The following TASOR2 variants were observed in gnomAD, a reference collection of about 807,000 sequenced individuals.
TASOR2 encodes the protein transcription activation suppressor family member 2, also known as protein TASOR 2.
Under a neutral mutation model 199.5 loss-of-function variants are expected in TASOR2, and 84 were observed. The ratio of observed to expected loss-of-function variants is 0.42; its 90% CI spans 0.35 to 0.50. The LOEUF (loss-of-function observed/expected upper bound fraction) is 0.50, where lower values mean the gene tolerates loss of function less well. TASOR2 is among the 20% of genes least tolerant of loss of function. The pLI is 0.02. For synonymous variants in TASOR2, 1,103 were observed against 1,046.6 expected, an observed-to-expected ratio of 1.05 and a Z score of -1.04; for missense variants, 2,796 against 2,835.9, an observed-to-expected ratio of 0.99 and a Z score of 0.32.
rs1333126410 is a variant in TASOR2, at chr10:5,706,795, G to T, written c.-287-6028G>T. On this transcript the variant is annotated intron_variant, in intron 1 of 20. Transcript: ENST00000328090. This position sits in a 1 kb window ranked among gnomAD's most constrained non-coding sequence, Gnocchi z 4.8. ...AGGTATGCAGATCACTTGAGGCCAG[G>T]AGTTCGAGACCAACCTGGCTAACAT... Among the ~76,000 whole-genome samples, 1 of 152,148 alleles carries T rather than the reference G, an allele frequency of 6.6e-6. No homozygotes were observed. The highest frequency in any genetic ancestry group is 1.5e-5 in the Non-Finnish European group (1 of 68,028).
At chr10:5,758,817 A>G in intron 17 of TASOR2, 70 bp from the exon 19 acceptor site, 1 of 1,090,558 alleles carries the variant, frequency 9.2e-7, no homozygotes, top group Non-Finnish European at 1.4e-6. Flanking sequence ...AATAATTATC[A>G]CTGGGCTTGG....
exon 15 of TASOR2, chr10:5,749,849 C>G: frequency 1.9e-6 from 3 of 1,614,196 alleles, no homozygotes; most frequent in Non-Finnish European, 2.5e-6. Context: ...GGAGAAGCCA[C>G]TGCTCAAGAG....
Position 5,685,852 on chromosome 10 carries a change from T to G in TASOR2, c.-288+677T>G, listed in dbSNP as rs555699410. ...GTAACTTTAAACAAACCACGCTTAC[T>G]CTTCCTTATTCTCCCTGTAAGGTAC... On this transcript the variant is annotated intron_variant, in intron 1 of 20. Coordinates refer to ENST00000328090, the Ensembl canonical transcript of TASOR2. This position sits in a 1 kb window ranked among gnomAD's most constrained non-coding sequence, Gnocchi z 5.4. Among the ~76,000 whole-genome samples the G allele has an allele frequency of 3.9e-5, 6 of 152,358 alleles. No homozygotes were observed. In the South Asian group the frequency reaches 1.0e-3, roughly 26 times the overall value.
exon 15 of TASOR2, chr10:5,749,178 C>T (rs376700617): frequency 1.9e-6 from 3 of 1,614,066 alleles, no homozygotes; most frequent in South Asian, 1.1e-5. Context: ...GAGATCTCCA[C>T]GGGATCCTCA....
Position 5,749,546 on chromosome 10 carries a change from C to T in TASOR2, c.6125C>T (p.Thr2042Ile), listed in dbSNP as rs930938932. Residue 2042 changes from threonine (T) to isoleucine (I), a missense_variant, in exon 15 of 21, where the codon ACA (threonine) becomes ATA (isoleucine). Thr to Ile is a moderately conservative substitution (Grantham distance 89). Coordinates refer to ENST00000328090, the Ensembl canonical transcript of TASOR2. Reference sequence around the variant, plus strand: ...AGGAGCAGAAGCCCCCTTCTGGTAACAGTTGTGGAGTCAGATCCCAGACCA... The same window carrying T: ...AGGAGCAGAAGCCCCCTTCTGGTAATAGTTGTGGAGTCAGATCCCAGACCA... 2.5e-6 allele frequency: 4 copies of T among 1,614,106 alleles called. No homozygotes were observed. The highest frequency in any genetic ancestry group is 3.4e-6 in the Non-Finnish European group (4 of 1,180,042).
In TASOR2 at chr10:5,688,717, A is replaced by G. The variant is rs181710402; in HGVS notation, c.-288+3542A>G. On this transcript the variant is annotated intron_variant, in intron 1 of 20. Coordinates refer to ENST00000328090, the Ensembl canonical transcript of TASOR2. ...ATGACACATTTCATTATATAATTTCAGAAAATTGGTTGGGTGCGTGGGCTC... is the reference window on the plus strand; with the variant it reads ...ATGACACATTTCATTATATAATTTCGGAAAATTGGTTGGGTGCGTGGGCTC... Among the ~76,000 whole-genome samples the G allele has an allele frequency of 1.8e-4, 28 of 152,166 alleles. No homozygotes were observed. The East Asian group carries it at 5.2e-3, about 28-fold the overall frequency.
At position 5,762,654 on chromosome 10, in the gene TASOR2, C is replaced by A. The variant is rs1840071105; in HGVS notation, c.7289+8C>A. ...ATTTAGGAGTAGCTATTGGTAAGAA[C>A]ACTTTTTATGTAACTTTCCCATGTG... On this transcript the variant is annotated splice_region_variant and intron_variant, in intron 20 of 20. Transcript: ENST00000328090. The A allele has an allele frequency of 2.4e-6, 3 of 1,247,862 alleles. No individual in the cohort carries two copies. Among genetic ancestry groups the A allele is most frequent in the African/African-American group, 1.5e-5 (1 of 64,942 alleles). 77.3% of individuals were successfully genotyped at this position (1,247,862 alleles called of 1,614,324 possible). A position where few individuals can be genotyped will look rare whatever the true frequency, so the allele number is the denominator to read the frequency against.
At chr10:5,688,792 AG>A (rs1224668684) in intron 1 of TASOR2, among the ~76,000 whole-genome samples, 2 of 151,902 alleles carry the variant, frequency 1.3e-5, no homozygotes, top group Non-Finnish European at 2.9e-5. Flanking sequence ...GGATTGCTTC[AG>A]CCAGGTTTGA....
intron 1 of TASOR2, among the ~76,000 whole-genome samples, chr10:5,702,176 G>A (rs1412771748): frequency 1.3e-5 from 2 of 152,116 alleles, no homozygotes; most frequent in Admixed American, 6.5e-5. Flanking sequence ...ATAAACAGAT[G>A]TTAAATCTTA....
In TASOR2 at chr10:5,733,866, C is replaced by T. The variant is rs532902153; in HGVS notation, c.1205-1438C>T. Among the ~76,000 whole-genome samples, 33 of 151,922 alleles carry T rather than the reference C, an allele frequency of 2.2e-4. No homozygotes were observed. The South Asian group carries it at 3.3e-3, about 15-fold the overall frequency. On this transcript the variant is annotated intron_variant, in intron 11 of 20. Transcript: ENST00000328090. ...GAAGTCTTATTGTTAAAAAAAAATA[C>T]GCTGCTTTAGTACTTATTAATATAA...
chr10:5,690,546 G>C lies in TASOR2; in HGVS notation c.-288+5371G>C, dbSNP rs1836306717. The stretch of plus-strand genomic sequence containing the variant: ...TTTTGCGTGGGCTACGTGTAGAGGT[G>C]GTGGCCATACATAGTTATCTTTATT... On this transcript the variant is annotated intron_variant, in intron 1 of 20. Transcript: ENST00000328090. The surrounding 1 kb of genome is among the most constrained non-coding windows in gnomAD (Gnocchi z 4.8). 6.6e-6 allele frequency among the ~76,000 whole-genome samples: 1 copy of C among 151,912 alleles called. No homozygotes were observed. Among genetic ancestry groups the C allele is most frequent in the Admixed American group, 6.6e-5 (1 of 15,264 alleles).
chr10:5,759,526 T>C (rs919800968), intron 18 of TASOR2, among the ~76,000 whole-genome samples: 4 of 152,224 alleles, frequency 2.6e-5, no homozygotes, highest in South Asian at 4.1e-4. Context: ...GCAGGACCAA[T>C]TGGAAAAGCA....
At chr10:5,704,981 G>A (rs1409402881) in intron 1 of TASOR2, among the ~76,000 whole-genome samples, 1 of 152,228 alleles carries the variant, frequency 6.6e-6, no homozygotes, top group Non-Finnish European at 1.5e-5. Context: ...TTGTTTTGGG[G>A]CTTTCAGCTC....
chr10:5,757,847 T>G (rs899343426), intron 17 of TASOR2, among the ~76,000 whole-genome samples, 174 bp downstream of exon 18: 2 of 152,136 alleles, frequency 1.3e-5, no homozygotes, highest in African/African-American at 2.4e-5. Context: ...GATTCTCTTA[T>G]AGCAATGCTT....
intron 2 of TASOR2, among the ~76,000 whole-genome samples, chr10:5,715,456 A>G (rs7900614): frequency 0.94 from 143,311 of 152,182 alleles, 67,544 homozygotes; most frequent in Non-Finnish European, 0.96. Flanking sequence ...TGTCTATTCT[A>G]GACATTTCAT....
chr10:5,731,160 T>G (rs764937091), exon 11 of TASOR2: 14 of 1,608,366 alleles, frequency 8.7e-6, no homozygotes, highest in Non-Finnish European at 8.5e-6. Context: ...CTCCAACAAC[T>G]CTTAAGTTAG....
In TASOR2 at chr10:5,709,758, A is replaced by C. The variant is rs1194356091; in HGVS notation, c.-287-3065A>C. The stretch of plus-strand genomic sequence containing the variant: ...GTTTTAATTTAGATCATGTAAAACA[A>C]AAAGACTTTAAAAAATTATGATTTC... On this transcript the variant is annotated intron_variant, in intron 1 of 20. Coordinates refer to ENST00000328090, the Ensembl canonical transcript of TASOR2. The C allele has an allele frequency of 2.0e-5, 21 of 1,064,266 alleles. No homozygotes were observed. The Admixed American group carries it at 9.0e-4, about 46-fold the overall frequency. The allele number at this position is 1,064,266 out of a possible 1,614,324, so 65.9% of individuals were successfully genotyped here.
At chr10:5,715,134 A>G (rs1375215655) in intron 2 of TASOR2, among the ~76,000 whole-genome samples, 5 of 151,938 alleles carry the variant, frequency 3.3e-5, no homozygotes, top group Admixed American at 6.6e-5. Flanking sequence ...GAAGAGGGGT[A>G]TTTTTTATTA....
At chr10:5,762,868 C>T (rs1840100414) in intron 20 of TASOR2, 161 bp from the exon 22 acceptor site, 1 of 669,704 alleles carries the variant, frequency 1.5e-6, no homozygotes, top group African/African-American at 1.9e-5. Flanking sequence ...CCTATTTTAT[C>T]TAATGTGCAT....
Sources: gnomAD v4.1 joint callset for allele counts (sites outside exome capture counted in the v4.1 genomes callset) on GRCh38, gnomAD v4.1.1 for gene constraint, Gnocchi (gnomAD v3.1) non-coding constraint, MANE v1.5 for transcripts, NCBI Gene and HGNC (gene_info 2026-07-23, HGNC 2026-07-21) for gene names.